The following MTUS1 variants were observed in gnomAD, a reference collection of about 807,000 sequenced individuals.
MTUS1 encodes the protein microtubule associated scaffold protein 1, also known as microtubule-associated tumor suppressor 1.
Under a neutral mutation model 120.8 loss-of-function variants are expected in MTUS1, and 109 were observed. The ratio of observed to expected loss-of-function variants is 0.90; its 90% CI spans 0.77 to 1.06. The LOEUF (loss-of-function observed/expected upper bound fraction) is 1.06. Among genes scored for constraint, MTUS1 ranks in the 50% least tolerant of loss-of-function variants. The probability of loss-of-function intolerance (pLI) is 0.00; values close to 1 mark genes in which losing one functional copy is unlikely to be tolerated. For missense variants in MTUS1, 2,210 were observed against 1,486.3 expected, an observed-to-expected ratio of 1.49 and a Z score of -8.01; for synonymous variants, 737 against 550.5, an observed-to-expected ratio of 1.34 and a Z score of -4.74.
intron 1 of MTUS1, among the ~76,000 whole-genome samples, chr8:17,759,597 T>A (rs866049602): frequency 6.1e-5 from 9 of 147,372 alleles, no homozygotes; most frequent in African/African-American, 1.2e-4. Flanking sequence ...TATGTATATT[T>A]TATATATATA....
chr8:17,749,659 C>CAAAAAAAAAA (rs768210060), intron 2 of MTUS1, among the ~76,000 whole-genome samples: 5 of 76,344 alleles, frequency 6.5e-5, no homozygotes, highest in Admixed American at 1.5e-4. Context: ...GAATCTGTCT[C>CAAAAAAAAAA]AAAAAAAAAA....
At chr8:17,648,148 A>G (rs572598089) in intron 13 of MTUS1, among the ~76,000 whole-genome samples, 25 of 152,340 alleles carry the variant, frequency 1.6e-4, no homozygotes, top group African/African-American at 5.5e-4. Flanking sequence ...AGAGCTGATT[A>G]TGGGCAGTGC....
chr8:17,782,771 A>G (rs951127056), intron 1 of MTUS1, among the ~76,000 whole-genome samples: 2 of 152,162 alleles, frequency 1.3e-5, no homozygotes, highest in Admixed American at 6.5e-5. Flanking sequence ...TACTGGCAAC[A>G]TTAAATGAAG....
intron 1 of MTUS1, among the ~76,000 whole-genome samples, chr8:17,800,081 T>C (rs1392626929): frequency 1.3e-5 from 2 of 152,224 alleles, no homozygotes; most frequent in African/African-American, 2.4e-5. Context: ...ATTCCGTTTA[T>C]GCAATTCCTT....
intron 1 of MTUS1, among the ~76,000 whole-genome samples, chr8:17,788,358 G>A (rs186150408): frequency 4.7e-4 from 71 of 152,176 alleles, no homozygotes; most frequent in African/African-American, 7.9e-4. Context: ...GATTTTTTCC[G>A]CATTCTTTTT....
At chr8:17,677,665 C>T (rs1813396095) in intron 7 of MTUS1, among the ~76,000 whole-genome samples, 2 of 152,192 alleles carry the variant, frequency 1.3e-5, no homozygotes, top group African/African-American at 4.8e-5. Context: ...CTGCACTCCA[C>T]GTTCCTGTCC....
At chr8:17,765,837 T>C (rs2131408549) in intron 1 of MTUS1, among the ~76,000 whole-genome samples, 1 of 152,094 alleles carries the variant, frequency 6.6e-6, no homozygotes, top group East Asian at 1.9e-4. Flanking sequence ...CTACATCTCT[T>C]CATAAAAATA....
At chr8:17,779,969 G>T (rs192757116) in intron 1 of MTUS1, among the ~76,000 whole-genome samples, 1 of 152,296 alleles carries the variant, frequency 6.6e-6, no homozygotes, top group East Asian at 1.9e-4. Context: ...CTCTGACATG[G>T]GTTGGATGTG....
intron 6 of MTUS1, among the ~76,000 whole-genome samples, chr8:17,711,246 C>G (rs1585871256): frequency 6.6e-6 from 1 of 152,222 alleles, no homozygotes; most frequent in Non-Finnish European, 1.5e-5. Flanking sequence ...TGTGCAAGTC[C>G]TAAACAGCAT....
intron 1 of MTUS1, 34 bp from the exon 2 acceptor site, chr8:17,755,995 A>C: frequency 1.5e-6 from 2 of 1,353,776 alleles, no homozygotes; most frequent in Non-Finnish European, 1.9e-6. Flanking sequence ...TCAAGTAACT[A>C]TAAGAAAAAT....
intron 2 of MTUS1, among the ~76,000 whole-genome samples, chr8:17,747,864 A>G (rs762355628): frequency 3.9e-5 from 6 of 152,180 alleles, no homozygotes; most frequent in Non-Finnish European, 8.8e-5. Flanking sequence ...GGCAGAGGGC[A>G]AGGAGGAGCA....
intron 1 of MTUS1, among the ~76,000 whole-genome samples, chr8:17,791,708 TC>T (rs2051798110): frequency 6.6e-6 from 1 of 152,154 alleles, no homozygotes; most frequent in Admixed American, 6.5e-5. Flanking sequence ...AATCAATTCC[TC>T]CTAAGGAAGA....
intron 1 of MTUS1, among the ~76,000 whole-genome samples, chr8:17,756,675 C>CCCCCCCCG: frequency 1.8e-5 from 1 of 54,552 alleles, no homozygotes; most frequent in Middle Eastern, 9.1e-3. Flanking sequence ...GCCCAAACCC[C>CCCCCCCCG]CACCCCTTAT....
At position 17,753,878 on chromosome 8, in the gene MTUS1, T is replaced by G. The variant is rs144780663; in HGVS notation, c.1930A>C (p.Lys644Gln). The change falls in exon 2 of 15, where the codon AAA becomes CAA. Residue 644 changes from lysine to glutamine, a missense_variant. Lys to Gln is a moderately conservative substitution (Grantham distance 53). Coordinates refer to ENST00000693296, the MANE Select transcript of MTUS1 (RefSeq NM_001363059.2). Reference protein sequence around the residue: ...FQKIKGILPVKMESAECLEMT... With the variant: ...FQKIKGILPVQMESAECLEMT... Reference sequence around the variant, plus strand: ...TCCAAACATTCTGCACTTTCCATTTTAACAGGGAGTATGCCTTTGATCTTC... The same window carrying G: ...TCCAAACATTCTGCACTTTCCATTTGAACAGGGAGTATGCCTTTGATCTTC... The G allele has an allele frequency of 6.2e-3, 10,038 of 1,614,152 alleles. 49 individuals carry two copies. Among genetic ancestry groups the G allele is most frequent in the Non-Finnish European group, 7.5e-3 (8,869 of 1,180,002 alleles).
At chr8:17,768,760 G>A (rs1392550096) in intron 1 of MTUS1, among the ~76,000 whole-genome samples, 1 of 152,092 alleles carries the variant, frequency 6.6e-6, no homozygotes, top group Non-Finnish European at 1.5e-5. Context: ...AAGACCACCA[G>A]CAGAGAAGAG....
Position 17,754,574 on chromosome 8 carries a change from T to A in MTUS1, c.1234A>T (p.Thr412Ser), listed in dbSNP as rs188050011. 1.2e-6 allele frequency: 2 copies of A among 1,614,206 alleles called. No homozygotes were observed. The highest frequency in any genetic ancestry group is 3.3e-5 in the Admixed American group (2 of 60,028). The change falls in exon 2 of 15, where the codon ACT (threonine) becomes TCT (serine). Residue 412 changes from threonine to serine, a missense_variant. Transcript: ENST00000693296. ...ATGACCATATCATTTGCATCCCAAGTCAGTCCAAATGACGAGCCCACCTTT... is the reference window on the plus strand; with the variant it reads ...ATGACCATATCATTTGCATCCCAAGACAGTCCAAATGACGAGCCCACCTTT... ...GQKVGSSFGL[T>S]WDANDMVIST...
chr8:17,730,540 C>G (rs903358038), intron 3 of MTUS1, among the ~76,000 whole-genome samples: 4 of 149,460 alleles, frequency 2.7e-5, no homozygotes, highest in Non-Finnish European at 5.9e-5. Context: ...GTACAACCAT[C>G]TTCACAGCAG....
chr8:17,708,541 G>A (rs190598478), intron 6 of MTUS1, among the ~76,000 whole-genome samples: 78 of 152,310 alleles, frequency 5.1e-4, no homozygotes, highest in African/African-American at 1.7e-3. Flanking sequence ...ACAGCCTGGA[G>A]GTTTCTTAAA....
intron 4 of MTUS1, chr8:17,722,209 C>G: frequency 9.8e-7 from 1 of 1,021,000 alleles, no homozygotes; most frequent in South Asian, 4.4e-5. Flanking sequence ...TTAGGAGCAT[C>G]AGACACAGTA....
Sources: gnomAD v4.1 joint callset for allele counts (sites outside exome capture counted in the v4.1 genomes callset) on GRCh38, gnomAD v4.1.1 for gene constraint, MANE v1.5 for transcripts, NCBI Gene and HGNC (gene_info 2026-07-23, HGNC 2026-07-21) for gene names.